STYK1: variants seen among roughly 807,000 people sequenced by gnomAD.
STYK1 encodes the protein STY kinase 1.
In STYK1, 46 loss-of-function variants were observed where a neutral mutation model predicts 48.1. The ratio of observed to expected loss-of-function variants is 0.96; its 90% confidence interval spans 0.75 to 1.22. STYK1 has a LOEUF of 1.22. STYK1 is among the 50% of genes most tolerant of loss of function. STYK1 has a pLI of 0.00. For synonymous variants in STYK1, 188 were observed against 189.0 expected, an observed-to-expected ratio of 0.99 and a Z score of 0.04; for missense variants, 527 against 521.1, an observed-to-expected ratio of 1.01 and a Z score of -0.11.
In STYK1 at chr12:10,620,006, G is replaced by A. The variant is rs919053842; in HGVS notation, c.*138C>T. Reference sequence around the variant, plus strand: ...CATCCAGCATCATTTCAGATTTCCCGAGAAATGTGTAAAGGAAGATCAAGA... The same window carrying A: ...CATCCAGCATCATTTCAGATTTCCCAAGAAATGTGTAAAGGAAGATCAAGA... On this transcript the variant is annotated 3_prime_UTR_variant, in exon 11 of 11. Transcript: ENST00000075503. The A allele has an allele frequency of 4.9e-5, 48 of 973,924 alleles. No individual in the cohort carries two copies. Among genetic ancestry groups the A allele is most frequent in the South Asian group, 7.5e-5 (5 of 66,700 alleles). The allele number at this position is 973,924 out of a possible 1,614,324, so 60.3% of individuals were successfully genotyped here.
intron 1 of STYK1, among the ~76,000 whole-genome samples, chr12:10,663,527 A>C (rs1356387004): frequency 2.2e-5 from 3 of 133,746 alleles, no homozygotes; most frequent in African/African-American, 5.4e-5. Flanking sequence ...TGAACCTGGG[A>C]GGCGGAGCTT....
intron 7 of STYK1, among the ~76,000 whole-genome samples, chr12:10,625,909 C>T (rs918372400): frequency 8.5e-5 from 13 of 152,154 alleles, no homozygotes; most frequent in East Asian, 3.9e-4. Context: ...AACAGAGCAT[C>T]GGAGAGCCAT....
rs1286118193 is a variant in STYK1 at position 10,619,987 on chromosome 12, G to T, written c.*157C>A. Reference sequence around the variant, plus strand: ...CTCAGGATGTGTAGAGTCCCATCCAGCATCATTTCAGATTTCCCGAGAAAT... The same window carrying T: ...CTCAGGATGTGTAGAGTCCCATCCATCATCATTTCAGATTTCCCGAGAAAT... On this transcript the variant is annotated 3_prime_UTR_variant, in exon 11 of 11. Transcript: ENST00000075503. 2.5e-6 allele frequency: 2 copies of T among 798,822 alleles called. No homozygotes were observed. The highest frequency in any genetic ancestry group is 1.6e-5 in the South Asian group (1 of 61,148). The allele number at this position is 798,822 out of a possible 1,614,324, so 49.5% of individuals were successfully genotyped here. A position where few individuals can be genotyped will look rare whatever the true frequency, so the allele number is the denominator to read the frequency against.
chr12:10,663,598 C>CAAAAAAAAAAAAA (rs34019110), intron 1 of STYK1, among the ~76,000 whole-genome samples: 1 of 51,472 alleles, frequency 1.9e-5, no homozygotes, highest in Non-Finnish European at 3.5e-5. Flanking sequence ...GACTCTGTCT[C>CAAAAAAAAAAAAA]AAAAAAAAAA....
rs549723092 is a variant in STYK1, at chr12:10,631,414, T to C, written c.188-106A>G. 45 of 1,429,588 alleles carry C rather than the reference T, an allele frequency of 3.1e-5. No homozygotes were observed. The African/African-American group carries it at 5.8e-4, about 18-fold the overall frequency. The allele number at this position is 1,429,588 out of a possible 1,614,324, so 88.6% of individuals were successfully genotyped here. The stretch of plus-strand genomic sequence containing the variant: ...GAGGTTCCTTCAGCAGTTTTCTCTT[T>C]GGCCAATGGGGAGTTGTCTTCTGAT... On this transcript the variant is annotated intron_variant, in intron 4 of 10. Coordinates refer to ENST00000075503, the MANE Select transcript of STYK1 (RefSeq NM_018423.3).
intron 1 of STYK1, among the ~76,000 whole-genome samples, chr12:10,659,667 G>A (rs1399928770): frequency 1.3e-5 from 2 of 152,104 alleles, no homozygotes; most frequent in Non-Finnish European, 2.9e-5. Flanking sequence ...CTGAGCTCAA[G>A]GAGTTTTTTA....
rs1416478111 is a variant in STYK1 at position 10,672,019 on chromosome 12, A to T, written c.-195+1947T>A. On this transcript the variant is annotated intron_variant, in intron 1 of 10. Coordinates refer to ENST00000075503, the MANE Select transcript of STYK1 (RefSeq NM_018423.3). This position sits in a 1 kb window ranked among gnomAD's most constrained non-coding sequence, Gnocchi z 4.0. ...AGAGATAATCAATTAAAATGAGGTA[A>T]TTAGGATGGACCCTAATCCAATAAG... Among the ~76,000 whole-genome samples the T allele has an allele frequency of 6.6e-6, 1 of 152,200 alleles. No homozygotes were observed. The highest frequency in any genetic ancestry group is 1.5e-5 in the Non-Finnish European group (1 of 68,026).
At chr12:10,650,202 C>G (rs1947647868) in intron 1 of STYK1, among the ~76,000 whole-genome samples, 1 of 150,970 alleles carries the variant, frequency 6.6e-6, no homozygotes, top group Non-Finnish European at 1.5e-5. Context: ...TCTTGCCGAC[C>G]TGGGAGAAAG....
intron 1 of STYK1, among the ~76,000 whole-genome samples, chr12:10,659,062 C>T (rs138657883): frequency 8.2e-4 from 125 of 152,140 alleles, no homozygotes; most frequent in South Asian, 3.1e-3. Context: ...AGGATAGAGG[C>T]GAAAACTTTC....
intron 2 of STYK1, among the ~76,000 whole-genome samples, 180 bp from the exon 3 acceptor site, chr12:10,634,866 C>G (rs1947468948): frequency 6.6e-6 from 1 of 152,202 alleles, no homozygotes; most frequent in African/African-American, 2.4e-5. Context: ...TCCCAACCTT[C>G]TCTTCCTCTC....
At chr12:10,648,134 G>C (rs1222934815) in intron 1 of STYK1, among the ~76,000 whole-genome samples, 3 of 152,162 alleles carry the variant, frequency 2.0e-5, no homozygotes, top group Non-Finnish European at 4.4e-5. Flanking sequence ...AGCTGGGGTT[G>C]AGAAGTACTA....
At chr12:10,621,850 G>A (rs767890235) in intron 10 of STYK1, 26 bp downstream of exon 10, 1 of 1,598,944 alleles carries the variant, frequency 6.3e-7, no homozygotes, top group Non-Finnish European at 8.6e-7. Context: ...GAATGAAAGA[G>A]GAGCAGGCCT....
intron 5 of STYK1, among the ~76,000 whole-genome samples, chr12:10,629,884 T>A (rs1947403596): frequency 6.6e-6 from 1 of 152,214 alleles, no homozygotes; most frequent in African/African-American, 2.4e-5. Context: ...ATCATAATTA[T>A]TAGAACTGGA....
intron 1 of STYK1, among the ~76,000 whole-genome samples, chr12:10,659,756 T>C (rs1464776197): frequency 6.6e-6 from 1 of 152,240 alleles, no homozygotes; most frequent in African/African-American, 2.4e-5. Context: ...AAAATAATTA[T>C]TCTTGCTGAA....
chr12:10,631,454 C>A, intron 4 of STYK1, 146 bp from the exon 5 acceptor site: 4 of 1,014,744 alleles, frequency 3.9e-6, no homozygotes, highest in Non-Finnish European at 5.6e-6. Context: ...CTCTATAAAC[C>A]AGCATCAATG....
rs143386443 is a variant in STYK1, at chr12:10,640,501, T to A, written c.-194-3305A>T. Among the ~76,000 whole-genome samples the A allele has an allele frequency of 4.1e-3, 620 of 152,250 alleles. 4 individuals are homozygous for A. The highest frequency in any genetic ancestry group is 0.013 in the African/African-American group (558 of 41,532). ...TCACTCTTCTCAGATATTGAGAAAT[T>A]GTGCTTATTTCTGATCTTTGCCCTC... On this transcript the variant is annotated intron_variant, in intron 1 of 10. Coordinates refer to ENST00000075503, the MANE Select transcript of STYK1 (RefSeq NM_018423.3).
At chr12:10,625,629 T>C (rs1947350610) in intron 7 of STYK1, among the ~76,000 whole-genome samples, 1 of 152,204 alleles carries the variant, frequency 6.6e-6, no homozygotes, top group Non-Finnish European at 1.5e-5. Flanking sequence ...AATAACTGCA[T>C]GGGTTGAATT....
Position 10,629,502 on chromosome 12 carries a change from G to C in STYK1, c.624C>G (p.Thr208=). The stretch of plus-strand genomic sequence containing the variant: ...CTGCCCTACTGCTCACCCGCCGACA[G>C]GTCCAGAGAAAGCTGAGCAGGTCCC... The part of the protein sequence containing the change: ...AQGDLLSFLW[T]CRRDVMTMDG... The change falls in exon 6 of 11, where the codon ACC becomes ACG. Residue 208 remains threonine, a synonymous_variant. Transcript: ENST00000075503. The C allele has an allele frequency of 6.2e-7, 1 of 1,614,074 alleles. No homozygotes were observed. The highest frequency in any genetic ancestry group is 8.5e-7 in the Non-Finnish European group (1 of 1,180,020).
rs147511596 is a variant in STYK1 at position 10,624,741 on chromosome 12, C to T, written c.836G>A (p.Arg279Gln). 3.0e-5 allele frequency: 49 copies of T among 1,613,952 alleles called. No homozygotes were observed. The highest frequency in any genetic ancestry group is 3.9e-5 in the Non-Finnish European group (46 of 1,180,018). ...GGTTTGAGTAGAGGAGATGGCCCCT[C>T]GGGTGTAAACTTCATAAGCCAGGCC... ...GLGLAYEVYT[R>Q]GAISSTQTIP... Residue 279 changes from arginine to glutamine, a missense_variant, in exon 8 of 11, where the codon CGA becomes CAA. Coordinates refer to ENST00000075503, the MANE Select transcript of STYK1 (RefSeq NM_018423.3).
Sources: gnomAD v4.1 joint callset for allele counts (sites outside exome capture counted in the v4.1 genomes callset) on GRCh38, gnomAD v4.1.1 for gene constraint, Gnocchi (gnomAD v3.1) non-coding constraint, MANE v1.5 for transcripts, NCBI Gene and HGNC (gene_info 2026-07-23, HGNC 2026-07-21) for gene names.